TCF7L2: variants seen among roughly 807,000 people sequenced by gnomAD.
The protein encoded by TCF7L2 is transcription factor 7-like 2.
TCF7L2 carries 23 observed loss-of-function variants against 77.9 expected under a neutral mutation model. The observed-to-expected ratio is 0.30, with a 90% CI of 0.21 to 0.42. TCF7L2 has a LOEUF of 0.42. Ranked by LOEUF, TCF7L2 falls within the 10% of genes least tolerant of loss-of-function variation. The pLI, the probability that TCF7L2 is intolerant of heterozygous loss-of-function variation, is 1.00. For synonymous variants in TCF7L2, 413 were observed against 340.2 expected (o/e 1.21, Z -2.36); for missense variants, 654 against 793.1 (o/e 0.82, Z 2.11).
chr10:113,154,933 G>A (rs753209702), intron 11 of TCF7L2, among the ~76,000 whole-genome samples: 5 of 149,440 alleles, frequency 3.3e-5, no homozygotes, highest in East Asian at 1.9e-4. Context: ...ACTAAGAACC[G>A]CAGCACTGAA....
Position 113,102,653 on chromosome 10 carries a change from C to T in TCF7L2, c.553-38531C>T, listed in dbSNP as rs189363018. Among the ~76,000 whole-genome samples, 275 of 151,936 alleles carry T rather than the reference C, an allele frequency of 1.8e-3. 1 individual carries two copies. Among genetic ancestry groups the T allele is most frequent in the Non-Finnish European group, 2.6e-3 (180 of 67,946 alleles). ...GTTGGCCAGGGTGGTCTTGAACTCC[C>T]GACCTCAGGTGATCTGTCTTCCTCG... On this transcript the variant is annotated intron_variant, in intron 5 of 13. Transcript: ENST00000627217.
intron 4 of TCF7L2, among the ~76,000 whole-genome samples, chr10:113,024,843 C>T (rs112110856): frequency 0.054 from 8,150 of 152,158 alleles, 694 homozygotes; most frequent in African/African-American, 0.18. Context: ...TGGTCTCGAA[C>T]TCCTGACCTC....
At chr10:112,961,215 A>G (rs1771090344) in intron 3 of TCF7L2, among the ~76,000 whole-genome samples, 1 of 127,220 alleles carries the variant, frequency 7.9e-6, no homozygotes, top group South Asian at 2.5e-4. Flanking sequence ...GGGTTTCACC[A>G]TGTTGGTCAG....
At chr10:113,126,883 T>G in intron 5 of TCF7L2, 1 of 985,294 alleles carries the variant, frequency 1.0e-6, no homozygotes, top group Non-Finnish European at 1.2e-6. Flanking sequence ...CTCTAGATGG[T>G]AAGCGCGGCC....
chr10:112,980,773 T>G (rs1408078358), intron 4 of TCF7L2, among the ~76,000 whole-genome samples: 1 of 151,994 alleles, frequency 6.6e-6, no homozygotes, highest in Non-Finnish European at 1.5e-5. Context: ...ACTACAGGCA[T>G]CCACCACCAC....
chr10:113,158,811 A>G, intron 12 of TCF7L2, 94 bp downstream of exon 13: 1 of 1,259,504 alleles, frequency 7.9e-7, no homozygotes, highest in Non-Finnish European at 1.1e-6. Flanking sequence ...AACACGTATG[A>G]CATTTGAACA....
At chr10:113,159,503 C>T (rs1226414407) in intron 12 of TCF7L2, among the ~76,000 whole-genome samples, 5 of 151,838 alleles carry the variant, frequency 3.3e-5, no homozygotes, top group Admixed American at 1.3e-4. Context: ...TAATTCCCTC[C>T]TTCGCTTTAT....
At chr10:113,030,674 C>T (rs1391328409) in intron 4 of TCF7L2, among the ~76,000 whole-genome samples, 2 of 152,208 alleles carry the variant, frequency 1.3e-5, no homozygotes, top group Non-Finnish European at 2.9e-5. Flanking sequence ...ATCAGCTTAG[C>T]GGCCAAGGAG....
intron 5 of TCF7L2, among the ~76,000 whole-genome samples, chr10:113,134,258 A>G (rs1229348542): frequency 6.6e-6 from 1 of 152,200 alleles, no homozygotes; most frequent in Non-Finnish European, 1.5e-5. Context: ...GCTCTGAGGA[A>G]GCCCACCCAT....
chr10:113,093,041 C>T (rs148886553), intron 5 of TCF7L2, among the ~76,000 whole-genome samples: 3 of 152,172 alleles, frequency 2.0e-5, no homozygotes, highest in African/African-American at 7.2e-5. Flanking sequence ...TTCCCCGCTC[C>T]GTGATGCAAT....
intron 5 of TCF7L2, among the ~76,000 whole-genome samples, chr10:113,132,605 A>G (rs551220246): frequency 6.6e-6 from 1 of 152,120 alleles, no homozygotes; most frequent in South Asian, 2.1e-4. Flanking sequence ...GAGCTTTTGG[A>G]TTTCTTCATT....
intron 13 of TCF7L2, among the ~76,000 whole-genome samples, chr10:113,164,390 G>A (rs144333905): frequency 1.9e-3 from 293 of 152,210 alleles, no homozygotes; most frequent in East Asian, 9.3e-3. Flanking sequence ...CACGAATCAC[G>A]ATAACCCAAA....
chr10:113,091,849 T>A (rs562314036), intron 5 of TCF7L2, among the ~76,000 whole-genome samples: 13 of 152,244 alleles, frequency 8.5e-5, no homozygotes, highest in Non-Finnish European at 1.9e-4. Flanking sequence ...GAGCATTCCC[T>A]TTAACTGGCC....
chr10:112,966,953 C>T (rs1589780600), intron 4 of TCF7L2, among the ~76,000 whole-genome samples: 1 of 152,342 alleles, frequency 6.6e-6, no homozygotes, highest in East Asian at 1.9e-4. Flanking sequence ...CATGCTTTTG[C>T]AGTGTTCATT....
intron 3 of TCF7L2, among the ~76,000 whole-genome samples, chr10:112,958,090 G>GGGGC (rs1197768876): frequency 6.6e-6 from 1 of 152,192 alleles, no homozygotes; most frequent in Non-Finnish European, 1.5e-5. Context: ...TTACAAAGAA[G>GGGGC]GGGCTGTGGG....
intron 5 of TCF7L2, among the ~76,000 whole-genome samples, chr10:113,064,987 G>T (rs1411868449): frequency 6.6e-6 from 1 of 152,160 alleles, no homozygotes; most frequent in African/African-American, 2.4e-5. Context: ...ATATTTCCAT[G>T]CATATTCACC....
intron 5 of TCF7L2, chr10:113,126,555 G>A (rs1456876988): frequency 2.0e-6 from 2 of 984,820 alleles, no homozygotes; most frequent in Non-Finnish European, 2.4e-6. Context: ...GAGTAAGAAA[G>A]CCCTGCCTTT....
chr10:113,150,648 T>G (rs1272735265), intron 8 of TCF7L2, among the ~76,000 whole-genome samples: 2 of 152,216 alleles, frequency 1.3e-5, no homozygotes, highest in Non-Finnish European at 2.9e-5. Flanking sequence ...GAAATTGTCT[T>G]CTTAGATGCC....
At chr10:113,075,373 C>CTCCTGGAGGCTGAGGCAG (rs2058573608) in intron 5 of TCF7L2, among the ~76,000 whole-genome samples, 1 of 151,736 alleles carries the variant, frequency 6.6e-6, no homozygotes. Context: ...GCAGGAGAAT[C>CTCCTGGAGGCTGAGGCAG]GCTTGAACCT....
Sources: allele counts gnomAD v4.1 joint callset (sites outside exome capture counted in the v4.1 genomes callset), GRCh38; gene constraint gnomAD v4.1.1; transcripts MANE v1.5; gene names NCBI Gene and HGNC (gene_info 2026-07-23, HGNC 2026-07-21).